The following SLC24A2 variants were observed in gnomAD, a reference collection of about 807,000 sequenced individuals.
SLC24A2 encodes solute carrier family 24 member 2.
SLC24A2 carries 36 observed loss-of-function variants against 62.0 expected under a neutral mutation model. The ratio of observed to expected loss-of-function variants is 0.58; its 90% CI spans 0.44 to 0.77. The LOEUF is 0.77. SLC24A2 is among the 30% of genes least tolerant of loss of function. The probability of loss-of-function intolerance (pLI) is 0.00; values close to 1 mark genes in which losing one functional copy is unlikely to be tolerated. For synonymous variants in SLC24A2, 358 were observed against 294.0 expected, an observed-to-expected ratio of 1.22 and a Z score of -2.23; for missense variants, 846 against 817.9, an observed-to-expected ratio of 1.03 and a Z score of -0.42.
At chr9:20,074,331 T>C in the SLC24A2 span, among the ~76,000 whole-genome samples, 1 of 152,022 alleles carries the variant, frequency 6.6e-6, no homozygotes, top group African/African-American at 2.4e-5. Flanking sequence ...TCTCATTGCT[T>C]TGTGTGTGTG....
the SLC24A2 span, among the ~76,000 whole-genome samples, chr9:20,059,135 G>C: frequency 6.6e-6 from 1 of 152,256 alleles, no homozygotes; most frequent in South Asian, 2.1e-4. Context: ...GGTAAAAAGG[G>C]ACTTTACAGA....
At chr9:19,722,215 G>C (rs183559853) in intron 2 of SLC24A2, among the ~76,000 whole-genome samples, 47 of 152,230 alleles carry the variant, frequency 3.1e-4, no homozygotes, top group Non-Finnish European at 6.2e-4. Context: ...AAAAAACCTG[G>C]ATTTCAGAAT....
At chr9:20,017,604 G>A in the SLC24A2 span, among the ~76,000 whole-genome samples, 1 of 152,132 alleles carries the variant, frequency 6.6e-6, no homozygotes. Flanking sequence ...GAGCAAGGAA[G>A]CCAGTGCGAG....
At chr9:19,947,690 C>T in the SLC24A2 span, among the ~76,000 whole-genome samples, 12 of 149,334 alleles carry the variant, frequency 8.0e-5, no homozygotes, top group African/African-American at 3.0e-4. Flanking sequence ...ACTCGGGAGG[C>T]TGAGGCAGGA....
At position 19,551,843 on chromosome 9, in the gene SLC24A2, T is replaced by G. The variant is rs541857888; in HGVS notation, c.1348-1575A>C. Among the ~76,000 whole-genome samples the G allele has an allele frequency of 9.9e-5, 15 of 152,282 alleles. No individual in the cohort carries two copies. In the East Asian group the frequency reaches 2.7e-3, roughly 28 times the overall value. On this transcript the variant is annotated intron_variant, in intron 7 of 10. Transcript: ENST00000341998. Reference sequence around the variant, plus strand: ...GTACTGCAGAAAGTATGTATAGTGTTTTATACAATCTCTTCAACTCTCCCT... The same window carrying G: ...GTACTGCAGAAAGTATGTATAGTGTGTTATACAATCTCTTCAACTCTCCCT...
chr9:19,534,709 T>G (rs1393523037), intron 8 of SLC24A2, among the ~76,000 whole-genome samples: 7 of 152,232 alleles, frequency 4.6e-5, no homozygotes, highest in Non-Finnish European at 2.9e-5. Flanking sequence ...TATGGCTGCA[T>G]AATACTCCAT....
At chr9:19,752,158 A>G (rs151022240) in intron 2 of SLC24A2, among the ~76,000 whole-genome samples, 201 of 152,264 alleles carry the variant, frequency 1.3e-3, no homozygotes, top group Non-Finnish European at 2.4e-3. Flanking sequence ...GGAAGAAATA[A>G]GAACGGAAAC....
chr9:19,738,954 T>C lies in SLC24A2; in HGVS notation c.930+46983A>G, dbSNP rs927105169. 2.0e-5 allele frequency among the ~76,000 whole-genome samples: 3 copies of C among 152,194 alleles called. No individual in the cohort carries two copies. The South Asian group carries it at 6.2e-4, about 32-fold the overall frequency. On this transcript the variant is annotated intron_variant, in intron 2 of 10. Transcript: ENST00000341998. The stretch of plus-strand genomic sequence containing the variant: ...CAATATGGTGAAATCCCACCTCTAC[T>C]AATAATACAAAAATTAGCCAGGCAT...
the SLC24A2 span, among the ~76,000 whole-genome samples, chr9:19,823,827 T>G: frequency 6.6e-6 from 1 of 152,066 alleles, no homozygotes; most frequent in African/African-American, 2.4e-5. Flanking sequence ...AACAGATGTA[T>G]AGACCAATGG....
the SLC24A2 span, among the ~76,000 whole-genome samples, chr9:20,113,504 G>A: frequency 6.6e-6 from 1 of 152,128 alleles, no homozygotes; most frequent in Admixed American, 6.5e-5. Flanking sequence ...TAAATATCTT[G>A]ACATGCTGAA....
chr9:20,197,776 T>G, the SLC24A2 span, among the ~76,000 whole-genome samples: 34 of 152,042 alleles, frequency 2.2e-4, no homozygotes, highest in African/African-American at 8.2e-4. Context: ...CCTTTGTCAG[T>G]GAGGACATAA....
At chr9:19,805,988 A>G in the SLC24A2 span, among the ~76,000 whole-genome samples, 1 of 152,076 alleles carries the variant, frequency 6.6e-6, no homozygotes, top group African/African-American at 2.4e-5. Flanking sequence ...TTCCTCCTAA[A>G]AATTAAAGCA....
chr9:19,560,255 G>A (rs192840011), intron 7 of SLC24A2, among the ~76,000 whole-genome samples: 3 of 152,026 alleles, frequency 2.0e-5, no homozygotes, highest in South Asian at 2.1e-4. Context: ...ACTCAACTCT[G>A]ATGTCAGTCC....
chr9:20,106,646 C>A, the SLC24A2 span, among the ~76,000 whole-genome samples: 1 of 152,144 alleles, frequency 6.6e-6, no homozygotes, highest in Admixed American at 6.5e-5. Flanking sequence ...CAAAATTCAA[C>A]AACCCTTCAT....
At chr9:20,110,543 C>A in the SLC24A2 span, among the ~76,000 whole-genome samples, 1 of 151,806 alleles carries the variant, frequency 6.6e-6, no homozygotes, top group Non-Finnish European at 1.5e-5. Flanking sequence ...TACAGTTTTA[C>A]CAGTCTCCTC....
chr9:20,236,825 C>A, the SLC24A2 span, among the ~76,000 whole-genome samples: 1 of 152,086 alleles, frequency 6.6e-6, no homozygotes, highest in Non-Finnish European at 1.5e-5. Context: ...CTTGTCAGGG[C>A]ACTTGTACCA....
the SLC24A2 span, among the ~76,000 whole-genome samples, chr9:19,935,143 C>T: frequency 6.6e-6 from 1 of 151,398 alleles, no homozygotes; most frequent in African/African-American, 2.4e-5. Context: ...ATTGTGCCTG[C>T]GTTTGCATCA....
the SLC24A2 span, among the ~76,000 whole-genome samples, chr9:20,271,403 G>A: frequency 1.3e-5 from 2 of 152,298 alleles, no homozygotes; most frequent in African/African-American, 2.4e-5. Context: ...TTCATCCTCT[G>A]CTGCTGGGCT....
At chr9:20,112,677 G>T in the SLC24A2 span, among the ~76,000 whole-genome samples, 1 of 152,094 alleles carries the variant, frequency 6.6e-6, no homozygotes, top group South Asian at 2.1e-4. Context: ...ATTCTGTAGG[G>T]TCTGTGTCAG....
Sources: gnomAD v4.1 joint callset for allele counts (sites outside exome capture counted in the v4.1 genomes callset) on GRCh38, gnomAD v4.1.1 for gene constraint, MANE v1.5 for transcripts, NCBI Gene and HGNC (gene_info 2026-07-23, HGNC 2026-07-21) for gene names.